Variants in RNF175 observed in about 807,000 individuals in gnomAD.
The protein encoded by RNF175 is ring finger protein 175.
Under a neutral mutation model 50.0 loss-of-function variants are expected in RNF175, and 38 were observed. The observed-to-expected ratio is 0.76, with a 90% CI of 0.59 to 1.00. The LOEUF is 1.00. Among genes scored for constraint, RNF175 ranks in the 50% least tolerant of loss-of-function variants. The pLI, the probability that RNF175 is intolerant of heterozygous loss-of-function variation, is 0.00. For synonymous variants in RNF175, 155 were observed against 146.1 expected (o/e 1.06, Z -0.44); for missense variants, 388 against 409.6 (o/e 0.95, Z 0.46).
In RNF175 at chr4:153,738,039, T is replaced by C. The variant is rs1247308761; in HGVS notation, c.247-9678A>G. Among the ~76,000 whole-genome samples the C allele has an allele frequency of 1.5e-4, 23 of 152,316 alleles. 1 individual carries two copies. On this transcript the variant is annotated intron_variant, in intron 3 of 8. Coordinates refer to ENST00000347063, the MANE Select transcript of RNF175 (RefSeq NM_173662.4). Reference sequence around the variant, plus strand: ...TGAATAACTGACCCCTTTATCATTATGTAATGCCCTTTCTTTCTTTCTTTT... The same window carrying C: ...TGAATAACTGACCCCTTTATCATTACGTAATGCCCTTTCTTTCTTTCTTTT...
chr4:153,732,998 G>A (rs528839810), intron 3 of RNF175, among the ~76,000 whole-genome samples: 2 of 152,224 alleles, frequency 1.3e-5, no homozygotes, highest in East Asian at 1.9e-4. Flanking sequence ...TCACACAGGA[G>A]CAGTTAACAT....
Position 153,716,107 on chromosome 4 carries a change from A to G in RNF175, c.631-445T>C, listed in dbSNP as rs141209864. On this transcript the variant is annotated intron_variant, in intron 6 of 8. Transcript: ENST00000347063. ...AAAAAGAATCTCCACTGCTTCTAAG[A>G]TAGTTTAGAATGTGAGACACCGTTT... Among the ~76,000 whole-genome samples the G allele has an allele frequency of 5.1e-3, 772 of 151,086 alleles. 5 individuals are homozygous for G. The highest frequency in any genetic ancestry group is 0.017 in the African/African-American group (693 of 41,150).
At chr4:153,721,351 C>T (rs985538478) in intron 5 of RNF175, 1 of 152,156 alleles carries the variant, frequency 6.6e-6, no homozygotes, top group Non-Finnish European at 1.5e-5. Context: ...GGTAGTCTCT[C>T]TCTAAAACCT....
At chr4:153,729,796 C>A (rs17370965) in intron 3 of RNF175, 2 of 984,778 alleles carry the variant, frequency 2.0e-6, no homozygotes, top group Non-Finnish European at 2.4e-6. Context: ...AAAACACACA[C>A]GGAGCAAGTC....
At chr4:153,752,080 C>T (rs1216272505) in intron 1 of RNF175, among the ~76,000 whole-genome samples, 1 of 152,224 alleles carries the variant, frequency 6.6e-6, no homozygotes, top group Non-Finnish European at 1.5e-5. Flanking sequence ...TCTCCAGAAC[C>T]ATGCTTTTTG....
chr4:153,733,555 T>C (rs1739165445), intron 3 of RNF175, among the ~76,000 whole-genome samples: 1 of 152,220 alleles, frequency 6.6e-6, no homozygotes, highest in African/African-American at 2.4e-5. Flanking sequence ...TTTTTTGCAG[T>C]TCCTATTGCC....
Position 153,759,809 on chromosome 4 carries a change from C to A in RNF175, c.54G>T (p.Pro18=), listed in dbSNP as rs1376688332. ...RKAAPVLEAP[P]QQEQLSHTKL... ...CCCGCGCCAGTACCTGCTCCTGCTG[C>A]GGGGGGGCCTCCAGCACCGGCGCTG... Residue 18 remains proline (P), a synonymous_variant, in exon 1 of 9, where the codon CCG becomes CCT. Transcript: ENST00000347063. The A allele has an allele frequency of 3.4e-6, 5 of 1,476,134 alleles. No individual in the cohort carries two copies. Among genetic ancestry groups the A allele is most frequent in the East Asian group, 2.9e-5 (1 of 34,804 alleles). 91.4% of individuals were successfully genotyped at this position (1,476,134 alleles called of 1,614,324 possible). A position where few individuals can be genotyped will look rare whatever the true frequency, so the allele number is the denominator to read the frequency against.
chr4:153,749,587 C>T (rs1740179386), intron 2 of RNF175, among the ~76,000 whole-genome samples: 1 of 152,172 alleles, frequency 6.6e-6, no homozygotes, highest in Admixed American at 6.5e-5. Flanking sequence ...TAGCTGGATG[C>T]TTAGTTTTGC....
intron 4 of RNF175, among the ~76,000 whole-genome samples, chr4:153,725,311 T>C (rs1738635499): frequency 6.6e-6 from 1 of 152,122 alleles, no homozygotes; most frequent in African/African-American, 2.4e-5. Context: ...GCAGTTTAGA[T>C]CATTGCTCAG....
intron 6 of RNF175, among the ~76,000 whole-genome samples, chr4:153,717,523 A>G (rs1042918118): frequency 1.2e-5 from 1 of 82,510 alleles, no homozygotes; most frequent in Admixed American, 1.5e-4. Context: ...ACACACACAG[A>G]TACACACACA....
intron 3 of RNF175, among the ~76,000 whole-genome samples, chr4:153,730,776 A>G (rs1489692184): frequency 6.6e-6 from 1 of 152,234 alleles, no homozygotes; most frequent in Non-Finnish European, 1.5e-5. Context: ...AAGCCAAAAT[A>G]TAAGACTAAT....
At chr4:153,734,662 ATTC>A in intron 3 of RNF175, among the ~76,000 whole-genome samples, 1 of 33,094 alleles carries the variant, frequency 3.0e-5, no homozygotes, top group South Asian at 8.9e-4. Flanking sequence ...TTGTTTTTTT[ATTC>A]TTTTTTTTTT....
Position 153,759,886 on chromosome 4 carries a change from A to C in RNF175, c.-24T>G. On this transcript the variant is annotated 5_prime_UTR_variant, in exon 1 of 9. Transcript: ENST00000347063. ...ATGCCTGAGCCACTGTGCCTTCTCCAGGGCACAGCGCCTGCCGGGGAGGGT... is the reference window on the plus strand; with the variant it reads ...ATGCCTGAGCCACTGTGCCTTCTCCCGGGCACAGCGCCTGCCGGGGAGGGT... The C allele has an allele frequency of 7.3e-7, 1 of 1,371,636 alleles. No individual in the cohort carries two copies. Among genetic ancestry groups the C allele is most frequent in the Non-Finnish European group, 9.4e-7 (1 of 1,065,156 alleles). The allele number at this position is 1,371,636 out of a possible 1,614,324, so 85.0% of individuals were successfully genotyped here. A position where few individuals can be genotyped will look rare whatever the true frequency, so the allele number is the denominator to read the frequency against.
At chr4:153,734,771 G>T (rs1392187682) in intron 3 of RNF175, among the ~76,000 whole-genome samples, 1 of 139,988 alleles carries the variant, frequency 7.1e-6, no homozygotes, top group Non-Finnish European at 1.5e-5. Flanking sequence ...CTCCTCCTGG[G>T]TTCACGCCAT....
chr4:153,731,209 A>T (rs1015606760), intron 3 of RNF175, among the ~76,000 whole-genome samples: 1 of 152,344 alleles, frequency 6.6e-6, no homozygotes, highest in African/African-American at 2.4e-5. Context: ...ATTCTTTATC[A>T]ATTTCCAGAG....
At chr4:153,715,408 G>C in intron 7 of RNF175, 121 bp downstream of exon 7, 1 of 908,162 alleles carries the variant, frequency 1.1e-6, no homozygotes, top group Non-Finnish European at 1.8e-6. Context: ...GAGGATAAAG[G>C]ACTGGGGTTT....
chr4:153,753,927 T>C (rs1740426113), intron 1 of RNF175, among the ~76,000 whole-genome samples: 2 of 151,186 alleles, frequency 1.3e-5, no homozygotes, highest in South Asian at 2.1e-4. Flanking sequence ...TCCCAGCACT[T>C]TGGGAGGCCG....
Position 153,737,548 on chromosome 4 carries a change from TTTC to T in RNF175, c.247-9190_247-9188del, listed in dbSNP as rs1739416318. Reference sequence around the variant, plus strand: ...AAATTATTTTAAAATTTCTCTGGAGTTTCTTCTTTGACCCATGTGTTATTTAGT... The same window carrying T: ...AAATTATTTTAAAATTTCTCTGGAGTTTCTTTGACCCATGTGTTATTTAGT... On this transcript the variant is annotated intron_variant, in intron 3 of 8. Transcript: ENST00000347063. 2.0e-5 allele frequency among the ~76,000 whole-genome samples: 3 copies of T among 152,272 alleles called. No homozygotes were observed. In the South Asian group the frequency reaches 6.2e-4, roughly 32 times the overall value.
At chr4:153,731,863 TA>T (rs1254693546) in intron 3 of RNF175, among the ~76,000 whole-genome samples, 2 of 151,882 alleles carry the variant, frequency 1.3e-5, no homozygotes, top group South Asian at 2.1e-4. Flanking sequence ...AAAATTATCA[TA>T]AAAAAATACC....
Sources: allele counts gnomAD v4.1 joint callset (sites outside exome capture counted in the v4.1 genomes callset), GRCh38; gene constraint gnomAD v4.1.1; transcripts MANE v1.5; gene names NCBI Gene and HGNC (gene_info 2026-07-23, HGNC 2026-07-21).